TNKS2: variants seen among roughly 807,000 people sequenced by gnomAD.
The protein encoded by TNKS2 is poly [ADP-ribose] polymerase tankyrase-2.
In TNKS2, 72 loss-of-function variants were observed where a neutral mutation model predicts 137.6. The observed-to-expected ratio is 0.52, with a 90% CI of 0.43 to 0.64. The LOEUF (loss-of-function observed/expected upper bound fraction) is 0.64. Among genes scored for constraint, TNKS2 ranks in the 30% least tolerant of loss-of-function variants. The pLI, the probability that TNKS2 is intolerant of heterozygous loss-of-function variation, is 0.00. For missense variants in TNKS2, 1,049 were observed against 1,410.2 expected (o/e 0.74, Z 4.10); for synonymous variants, 516 against 512.1 (o/e 1.01, Z -0.10).
At chr10:91,848,032 A>C (rs1249745878) in intron 18 of TNKS2, among the ~76,000 whole-genome samples, 1 of 152,208 alleles carries the variant, frequency 6.6e-6, no homozygotes, top group Non-Finnish European at 1.5e-5. Context: ...CTTATCGGAA[A>C]TGCTTAGAAC....
At chr10:91,859,710 T>C (rs1397703387) in intron 25 of TNKS2, 62 bp downstream of exon 25, 1 of 1,411,002 alleles carries the variant, frequency 7.1e-7, no homozygotes, top group Non-Finnish European at 9.8e-7. Context: ...GTTGCATTTT[T>C]GAGGGCAAAG....
At chr10:91,825,946 C>T (rs1845055575) in intron 7 of TNKS2, among the ~76,000 whole-genome samples, 1 of 152,218 alleles carries the variant, frequency 6.6e-6, no homozygotes, top group Admixed American at 6.5e-5. Flanking sequence ...AAACATATAT[C>T]TACCATGACA....
intron 12 of TNKS2, chr10:91,836,542 G>A: frequency 1.4e-6 from 1 of 734,058 alleles, no homozygotes; most frequent in Non-Finnish European, 1.7e-6. Flanking sequence ...AGTTCAGATA[G>A]CTAATTAATG....
At chr10:91,859,233 G>A (rs1842790952) in intron 24 of TNKS2, among the ~76,000 whole-genome samples, 1 of 152,102 alleles carries the variant, frequency 6.6e-6, no homozygotes, top group Non-Finnish European at 1.5e-5. Flanking sequence ...AGTTCAATCT[G>A]TGTCCTTATT....
At chr10:91,807,234 AG>A (rs1379499328) in intron 1 of TNKS2, 1 of 1,605,764 alleles carries the variant, frequency 6.2e-7, no homozygotes, top group African/African-American at 1.3e-5. Context: ...AAGTCGCATT[AG>A]TTGACTGTGG....
intron 1 of TNKS2, among the ~76,000 whole-genome samples, chr10:91,810,413 T>C (rs1282596043): frequency 6.6e-6 from 1 of 151,556 alleles, no homozygotes; most frequent in African/African-American, 2.4e-5. Context: ...AAAACCCTGC[T>C]ATCTGAAAAC....
intron 16 of TNKS2, among the ~76,000 whole-genome samples, chr10:91,844,459 C>G (rs1842304705): frequency 6.6e-6 from 1 of 152,140 alleles, no homozygotes; most frequent in Non-Finnish European, 1.5e-5. Context: ...TTGTGGCCTT[C>G]TGGGGAAGAG....
At chr10:91,821,604 TAA>T (rs1428504578) in intron 6 of TNKS2, among the ~76,000 whole-genome samples, 1 of 152,178 alleles carries the variant, frequency 6.6e-6, no homozygotes, top group Non-Finnish European at 1.5e-5. Flanking sequence ...GTCAAGATTT[TAA>T]AGTTTCACCG....
Position 91,848,529 on chromosome 10 carries a change from T to C in TNKS2, c.2505T>C (p.Leu835=), listed in dbSNP as rs903395182. Residue 835 remains leucine (L), a synonymous_variant, in exon 19 of 27, where the codon CTT becomes CTC. Transcript: ENST00000371627. ...CAGGTCCATCTAGCCCATCAAGCCT[T>C]TCTGCAGCCAGCAGTCTTGACAACT... ...LSSGPSSPSS[L]SAASSLDNLS... is the part of the protein sequence containing the mutation. 1 of 1,614,174 alleles carries C rather than the reference T, an allele frequency of 6.2e-7. No individual in the cohort carries two copies. Among genetic ancestry groups the C allele is most frequent in the South Asian group, 1.1e-5 (1 of 91,088 alleles).
chr10:91,857,545 C>T lies in TNKS2; in HGVS notation c.3094+15C>T, dbSNP rs1390908151. 5.1e-6 allele frequency: 8 copies of T among 1,556,752 alleles called. No homozygotes were observed. Among genetic ancestry groups the T allele is most frequent in the Non-Finnish European group, 7.1e-6 (8 of 1,130,420 alleles). On this transcript the variant is annotated intron_variant, in intron 24 of 26. Transcript: ENST00000371627. ...GCTATTTCATGGTAAGATTCCTCCC[C>T]ACCAACTCTACCACTGTCTTCCACA...
chr10:91,816,945 C>A (rs147544275), intron 2 of TNKS2, among the ~76,000 whole-genome samples, 189 bp from the exon 3 acceptor site: 3 of 152,218 alleles, frequency 2.0e-5, no homozygotes, highest in African/African-American at 4.8e-5. Context: ...GTCTTTAATG[C>A]ATTAAGTAAT....
At chr10:91,834,870 A>G (rs1483237268) in intron 12 of TNKS2, among the ~76,000 whole-genome samples, 1 of 152,334 alleles carries the variant, frequency 6.6e-6, no homozygotes, top group East Asian at 1.9e-4. Flanking sequence ...AAGTCTTGTC[A>G]GTTTTATGCT....
In TNKS2 at chr10:91,864,446, T is replaced by C. The variant is rs1431944630; in HGVS notation, c.*1447T>C. On this transcript the variant is annotated 3_prime_UTR_variant, in exon 27 of 27. Transcript: ENST00000371627. Reference sequence around the variant, plus strand: ...AGCTCCCTTCAAAGTCGAGGAAAGATCTTTACTCACTTAATGAGGACATTC... The same window carrying C: ...AGCTCCCTTCAAAGTCGAGGAAAGACCTTTACTCACTTAATGAGGACATTC... 1 of 152,504 alleles carries C rather than the reference T, an allele frequency of 6.6e-6. No homozygotes were observed. The highest frequency in any genetic ancestry group is 1.5e-5 in the Non-Finnish European group (1 of 68,044). The allele number at this position is 152,504 out of a possible 1,614,324, so 9.4% of individuals were successfully genotyped here.
At chr10:91,837,475 G>T (rs966981864) in intron 13 of TNKS2, among the ~76,000 whole-genome samples, 47 of 152,182 alleles carry the variant, frequency 3.1e-4, no homozygotes, top group African/African-American at 1.0e-3. Context: ...TCTTTCCCAG[G>T]GCTTGCAACT....
At chr10:91,810,744 G>A (rs1455628717) in intron 1 of TNKS2, among the ~76,000 whole-genome samples, 4 of 150,536 alleles carry the variant, frequency 2.7e-5, no homozygotes, top group East Asian at 2.0e-4. Context: ...TCCTGACCTC[G>A]TGATCCACCC....
chr10:91,857,283 A>T, intron 23 of TNKS2, 142 bp from the exon 24 acceptor site: 1 of 453,550 alleles, frequency 2.2e-6, no homozygotes, highest in Non-Finnish European at 3.9e-6. Context: ...AAGTATTTTT[A>T]GTTGATTAAA....
intron 15 of TNKS2, 60 bp from the exon 16 acceptor site, chr10:91,842,112 C>G: frequency 8.2e-7 from 1 of 1,213,722 alleles, no homozygotes; most frequent in South Asian, 1.4e-5. Context: ...ACTATTTTCT[C>G]ATTGACCAAA....
At chr10:91,820,056 G>C in intron 6 of TNKS2, 23 bp downstream of exon 6, 1 of 1,477,876 alleles carries the variant, frequency 6.8e-7, no homozygotes. Context: ...ACAAAAACAA[G>C]GACTTTTTAA....
At chr10:91,856,701 C>G (rs909065055) in intron 23 of TNKS2, among the ~76,000 whole-genome samples, 1 of 151,916 alleles carries the variant, frequency 6.6e-6, no homozygotes, top group Non-Finnish European at 1.5e-5. Flanking sequence ...TGTTGTTGTT[C>G]CTTTTTAATG....
Sources: gnomAD v4.1 joint callset for allele counts (sites outside exome capture counted in the v4.1 genomes callset) on GRCh38, gnomAD v4.1.1 for gene constraint, MANE v1.5 for transcripts, NCBI Gene and HGNC (gene_info 2026-07-23, HGNC 2026-07-21) for gene names.